The following DISC1 variants were observed in gnomAD, a reference collection of about 807,000 sequenced individuals.
DISC1 encodes disrupted in schizophrenia 1 protein.
In DISC1, 57 loss-of-function variants were observed where a neutral mutation model predicts 84.5. The observed-to-expected ratio is 0.67, with a 90% CI of 0.55 to 0.84. The LOEUF is 0.84. Among genes scored for constraint, DISC1 ranks in the 40% least tolerant of loss-of-function variants. The pLI is 0.00. For synonymous variants in DISC1, 411 were observed against 415.2 expected, an observed-to-expected ratio of 0.99 and a Z score of 0.12; for missense variants, 1,000 against 1,057.8, an observed-to-expected ratio of 0.95 and a Z score of 0.76.
chr1:231,962,740 C>T (rs1055031467), intron 10 of DISC1, among the ~76,000 whole-genome samples: 2 of 152,172 alleles, frequency 1.3e-5, no homozygotes, highest in Non-Finnish European at 1.5e-5. Context: ...AACCTATATA[C>T]ATAATTTCAA....
chr1:232,023,187 A>T (rs1483573129), intron 11 of DISC1, among the ~76,000 whole-genome samples: 1 of 152,234 alleles, frequency 6.6e-6, no homozygotes, highest in Admixed American at 6.5e-5. Flanking sequence ...CCCACAAATA[A>T]TAATTATAAA....
intron 9 of DISC1, among the ~76,000 whole-genome samples, chr1:231,896,797 A>C (rs972738915): frequency 6.6e-6 from 1 of 152,228 alleles, no homozygotes; most frequent in African/African-American, 2.4e-5. Context: ...CATGTCGTTC[A>C]GTAAATATTA....
chr1:231,847,525 T>C (rs766220337), intron 9 of DISC1, among the ~76,000 whole-genome samples: 8 of 152,196 alleles, frequency 5.3e-5, no homozygotes, highest in African/African-American at 1.2e-4. Flanking sequence ...TTACCTTGGC[T>C]GCTCAGCCTC....
chr1:231,864,817 T>A (rs939748971), intron 9 of DISC1, among the ~76,000 whole-genome samples: 1 of 152,194 alleles, frequency 6.6e-6, no homozygotes, highest in Admixed American at 6.5e-5. Context: ...CCAATTTTAT[T>A]TTTGTTTTGA....
At chr1:231,809,223 C>G (rs887967661) in intron 8 of DISC1, among the ~76,000 whole-genome samples, 7 of 152,124 alleles carry the variant, frequency 4.6e-5, no homozygotes, top group Non-Finnish European at 8.8e-5. Flanking sequence ...GTGTCATTCC[C>G]GTTACAGTCA....
chr1:231,747,661 A>G lies in DISC1; in HGVS notation c.1118-2265A>G, dbSNP rs533543401. On this transcript the variant is annotated intron_variant, in intron 3 of 12. Coordinates refer to ENST00000439617, the MANE Select transcript of DISC1 (RefSeq NM_018662.3). ...CCAGTACCATGTTGTTTTGGTTACT[A>G]CAGCTTTGTAGTATATTTTGAGGTC... Among the ~76,000 whole-genome samples the G allele has an allele frequency of 5.9e-5, 9 of 152,286 alleles. 1 individual carries two copies. The South Asian group carries it at 8.3e-4, about 14-fold the overall frequency.
At chr1:231,773,123 G>T (rs1160840861) in intron 6 of DISC1, among the ~76,000 whole-genome samples, 1 of 152,152 alleles carries the variant, frequency 6.6e-6, no homozygotes, top group Non-Finnish European at 1.5e-5. Context: ...TACAACTATG[G>T]CTGTCTTTGG....
At chr1:231,923,327 A>T (rs2090132086) in intron 9 of DISC1, among the ~76,000 whole-genome samples, 1 of 151,772 alleles carries the variant, frequency 6.6e-6, no homozygotes, top group African/African-American at 2.4e-5. Flanking sequence ...AACAAAAAGA[A>T]AAAGAAATCC....
At chr1:231,903,023 TCTCTTCCTCCTCCTC>T (rs894727201) in intron 9 of DISC1, among the ~76,000 whole-genome samples, 28 of 151,838 alleles carry the variant, frequency 1.8e-4, no homozygotes, top group Non-Finnish European at 2.4e-4. Flanking sequence ...CCTTCTCCTC[TCTCTTCCTCCTCCTC>T]CTCTTCCTCC....
intron 1 of DISC1, among the ~76,000 whole-genome samples, chr1:231,649,392 T>C (rs187949164): frequency 3.7e-4 from 57 of 152,334 alleles, no homozygotes; most frequent in African/African-American, 1.2e-3. Context: ...AATCCTGAGT[T>C]CTAGTTTGAT....
At chr1:231,850,097 C>G (rs1176511679) in intron 9 of DISC1, among the ~76,000 whole-genome samples, 2 of 152,168 alleles carry the variant, frequency 1.3e-5, no homozygotes, top group Non-Finnish European at 2.9e-5. Context: ...GAGTAAATGC[C>G]TGTGGGAGGG....
At chr1:231,637,702 C>T (rs534210083) in intron 1 of DISC1, among the ~76,000 whole-genome samples, 1 of 152,236 alleles carries the variant, frequency 6.6e-6, no homozygotes, top group East Asian at 1.9e-4. Flanking sequence ...ATAGTTTTCC[C>T]TTTTGTATGT....
At chr1:232,035,833 G>A (rs1363717186) in intron 12 of DISC1, among the ~76,000 whole-genome samples, 1 of 152,122 alleles carries the variant, frequency 6.6e-6, no homozygotes, top group Non-Finnish European at 1.5e-5. Context: ...AACCACTGTT[G>A]GTTAAACATT....
intron 6 of DISC1, among the ~76,000 whole-genome samples, chr1:231,789,290 G>A (rs1558548294): frequency 6.6e-6 from 1 of 152,174 alleles, no homozygotes; most frequent in Non-Finnish European, 1.5e-5. Flanking sequence ...CAGCAGATTT[G>A]AGGAGCTGTC....
intron 1 of DISC1, among the ~76,000 whole-genome samples, chr1:231,664,277 T>A (rs923473839): frequency 1.6e-4 from 24 of 152,144 alleles, no homozygotes; most frequent in Non-Finnish European, 1.6e-4. Flanking sequence ...CTACAATATT[T>A]ACCTTTCAGT....
intron 11 of DISC1, among the ~76,000 whole-genome samples, chr1:232,017,177 A>G (rs1161820368): frequency 1.3e-5 from 2 of 152,214 alleles, no homozygotes; most frequent in Non-Finnish European, 2.9e-5. Flanking sequence ...AAAACAGCCC[A>G]AAGGAACATA....
At chr1:231,667,825 T>G (rs1232445409) in intron 1 of DISC1, among the ~76,000 whole-genome samples, 1 of 152,208 alleles carries the variant, frequency 6.6e-6, no homozygotes, top group African/African-American at 2.4e-5. Context: ...ATAAAGATGC[T>G]TTTTCCATTG....
In DISC1 at chr1:231,897,043, G is replaced by A. The variant is rs958459833; in HGVS notation, c.1982-61785G>A. 5.9e-5 allele frequency among the ~76,000 whole-genome samples: 9 copies of A among 152,194 alleles called. No individual in the cohort carries two copies. Among genetic ancestry groups the A allele is most frequent in the Non-Finnish European group, 8.8e-5 (6 of 68,042 alleles). On this transcript the variant is annotated intron_variant, in intron 9 of 12. Coordinates refer to ENST00000439617, the MANE Select transcript of DISC1 (RefSeq NM_018662.3). The surrounding 1 kb of genome is among the most constrained non-coding windows in gnomAD (Gnocchi z 4.5). ...ATGATCAGACACGTGAACCCACGGGGCCAACACCACAGCAGGAGTGAAGAA... is the reference window on the plus strand; with the variant it reads ...ATGATCAGACACGTGAACCCACGGGACCAACACCACAGCAGGAGTGAAGAA...
At chr1:231,903,419 A>C (rs1391026376) in intron 9 of DISC1, among the ~76,000 whole-genome samples, 1 of 152,262 alleles carries the variant, frequency 6.6e-6, no homozygotes, top group Non-Finnish European at 1.5e-5. Flanking sequence ...CTGTAGATTT[A>C]CATGGAGTAA....
Sources: gnomAD v4.1 joint callset for allele counts (sites outside exome capture counted in the v4.1 genomes callset) on GRCh38, gnomAD v4.1.1 for gene constraint, Gnocchi (gnomAD v3.1) non-coding constraint, MANE v1.5 for transcripts, NCBI Gene and HGNC (gene_info 2026-07-23, HGNC 2026-07-21) for gene names.